Variants in CES2 observed in about 807,000 individuals in gnomAD.
CES2 encodes cocaine esterase.
CES2 carries 42 observed loss-of-function variants against 52.1 expected under a neutral mutation model. The ratio of observed to expected loss-of-function variants is 0.81; its 90% confidence interval spans 0.63 to 1.04. The LOEUF is 1.04. CES2 is among the 50% of genes least tolerant of loss of function. CES2 has a pLI of 0.00. For synonymous variants in CES2, 277 were observed against 289.6 expected (o/e 0.96, Z 0.44); for missense variants, 656 against 724.3 (o/e 0.91, Z 1.08).
chr16:66,941,858 C>CT lies in CES2; in HGVS notation c.1137+11dup, dbSNP rs1186102023. 6.2e-7 allele frequency: 1 copy of CT among 1,614,116 alleles called. No individual in the cohort carries two copies. ...AATGTTAACGCTGCTGGTAAGGCTC[C>CT]TGGGGTCCCTCGCCAATGGAGACGG... is the stretch of plus-strand genomic sequence containing the variant. On this transcript the variant is annotated intron_variant, in intron 8 of 11. Coordinates refer to ENST00000317091, the MANE Select transcript of CES2 (RefSeq NM_001365405.1).
chr16:66,943,705 G>A lies in CES2; in HGVS notation c.1494-134G>A. ...GGGAGCTTATTTCCTGTTTCTGGAA[G>A]CCTCCCCACTCATTCCCCAAGCCCA... On this transcript the variant is annotated intron_variant, in intron 11 of 11. Transcript: ENST00000317091. The surrounding 1 kb of genome is among the most constrained non-coding windows in gnomAD (Gnocchi z 4.2). 1.5e-6 allele frequency: 1 copy of A among 681,388 alleles called. No homozygotes were observed. The highest frequency in any genetic ancestry group is 2.7e-5 in the East Asian group (1 of 36,504). 42.2% of individuals were successfully genotyped at this position (681,388 alleles called of 1,614,324 possible).
At chr16:66,942,847 T>C (rs1963400104) in intron 10 of CES2, 62 bp downstream of exon 10, 4 of 1,610,212 alleles carry the variant, frequency 2.5e-6, no homozygotes, top group Non-Finnish European at 3.4e-6. Context: ...TGAGCGATGA[T>C]TGATTGTCCT....
rs76018401 is a variant in CES2 at position 66,943,298 on chromosome 16, G to A, written c.1421-1G>A. On this transcript the variant is annotated splice_acceptor_variant, in intron 10 of 11. Transcript: ENST00000317091. LOFTEE classifies it high-confidence loss of function. The surrounding 1 kb of genome is among the most constrained non-coding windows in gnomAD (Gnocchi z 4.2). ...GACACATGTCCTCTTCCTCTTGGCA[G>A]TTAAATTCACTGAGGAAGAGGAGCA... The A allele has an allele frequency of 6.2e-7, 1 of 1,614,112 alleles. No homozygotes were observed. Among genetic ancestry groups the A allele is most frequent in the East Asian group, 2.2e-5 (1 of 44,868 alleles).
At chr16:66,935,227 C>G (rs1170122385), upstream of CES2, 1 of 483,610 alleles carries the variant, frequency 2.1e-6, no homozygotes, top group Non-Finnish European at 3.7e-6. Context: ...CTCAGAGAAG[C>G]CCTCCTGGGG....
At position 66,940,948 on chromosome 16, in the gene CES2, C is replaced by T. The variant is rs141374010; in HGVS notation, c.817-176C>T. Among the ~76,000 whole-genome samples, 982 of 152,346 alleles carry T rather than the reference C, an allele frequency of 6.4e-3. 4 individuals are homozygous for T. The highest frequency in any genetic ancestry group is 8.3e-3 in the Non-Finnish European group (568 of 68,028). ...CCCACCATGAGGAGAATCATCTAGG[C>T]GGATGGGATGGCCCCTGTGTCTGGG... is the stretch of plus-strand genomic sequence containing the variant. On this transcript the variant is annotated intron_variant, in intron 5 of 11. Transcript: ENST00000317091.
Position 66,941,223 on chromosome 16 carries a change from G to T in CES2, c.915+1G>T, listed in dbSNP as rs2145506640. ...AGAGGAGATTCTTGCAATTAACAAG[G>T]TTGGTCTAAATGGATGTGGGTGTAG... On this transcript the variant is annotated splice_donor_variant, in intron 6 of 11. Transcript: ENST00000317091. LOFTEE classifies it high-confidence loss of function. 1 of 1,614,100 alleles carries T rather than the reference G, an allele frequency of 6.2e-7. No individual in the cohort carries two copies. Among genetic ancestry groups the T allele is most frequent in the Non-Finnish European group, 8.5e-7 (1 of 1,179,984 alleles).
At chr16:66,942,313 A>G in intron 9 of CES2, 64 bp downstream of exon 9, 1 of 1,517,048 alleles carries the variant, frequency 6.6e-7, no homozygotes, top group South Asian at 1.3e-5. Flanking sequence ...GTCCCAGGTG[A>G]GACCTGCTGC....
chr16:66,937,411 A>G (rs540295649), intron 1 of CES2, among the ~76,000 whole-genome samples: 1 of 152,050 alleles, frequency 6.6e-6, no homozygotes, highest in Non-Finnish European at 1.5e-5. Context: ...CTTGTCCTTG[A>G]TTTTCATCTA....
At position 66,935,549 on chromosome 16, in the gene CES2, C is replaced by G. The variant is rs765978652; in HGVS notation, c.-87C>G. 1.9e-6 allele frequency: 3 copies of G among 1,614,128 alleles called. No individual in the cohort carries two copies. Among genetic ancestry groups the G allele is most frequent in the East Asian group, 4.5e-5 (2 of 44,880 alleles). On this transcript the variant is annotated 5_prime_UTR_variant, in exon 1 of 12. Coordinates refer to ENST00000317091, the MANE Select transcript of CES2 (RefSeq NM_001365405.1). ...CCAAACTCCAAGGCTGGGCAAGGCA[C>G]TGATCCACTGCTGGACAGACCCGGG...
At chr16:66,938,424 A>G (rs944298187) in intron 2 of CES2, 183 bp downstream of exon 2, 31 of 600,368 alleles carry the variant, frequency 5.2e-5, no homozygotes, top group South Asian at 4.8e-4. Flanking sequence ...GGGCAGAATA[A>G]CTTCTCAGAC....
chr16:66,937,903 G>T (rs936700802), intron 1 of CES2, 134 bp from the exon 2 acceptor site: 3 of 728,388 alleles, frequency 4.1e-6, no homozygotes, highest in Non-Finnish European at 7.0e-6. Flanking sequence ...CAGGCAGGAA[G>T]TTTGTAAAGC....
chr16:66,934,986 A>C (rs898951199), upstream of CES2: 10 of 163,700 alleles, frequency 6.1e-5, no homozygotes, highest in Non-Finnish European at 7.9e-5. The surrounding 1 kb of genome is among the most constrained non-coding windows in gnomAD (Gnocchi z 4.1). Flanking sequence ...TGTACGTTTC[A>C]AAAGAATGGC....
chr16:66,943,454 A>C lies in CES2; in HGVS notation c.1493+83A>C. ...TGCTCTCCTAGTCTGGGGTGACCTC[A>C]TGAGCACACCCGCATCCTTCATCAC... On this transcript the variant is annotated intron_variant, in intron 11 of 11. Coordinates refer to ENST00000317091, the MANE Select transcript of CES2 (RefSeq NM_001365405.1). This position sits in a 1 kb window ranked among gnomAD's most constrained non-coding sequence, Gnocchi z 4.2. 8 of 1,425,806 alleles carry C rather than the reference A, an allele frequency of 5.6e-6. No individual in the cohort carries two copies. The highest frequency in any genetic ancestry group is 1.2e-5 in the South Asian group (1 of 86,024). 88.3% of individuals were successfully genotyped at this position (1,425,806 alleles called of 1,614,324 possible). A position where few individuals can be genotyped will look rare whatever the true frequency, so the allele number is the denominator to read the frequency against.
chr16:66,935,575 G>A lies in CES2; in HGVS notation c.-61G>A. The A allele has an allele frequency of 6.2e-7, 1 of 1,613,486 alleles. No homozygotes were observed. The highest frequency in any genetic ancestry group is 8.5e-7 in the Non-Finnish European group (1 of 1,180,024). On this transcript the variant is annotated 5_prime_UTR_variant, in exon 1 of 12. Coordinates refer to ENST00000317091, the MANE Select transcript of CES2 (RefSeq NM_001365405.1). ...TGATCCACTGCTGGACAGACCCGGGGCAGCCTCTGGGTGAACAGCAGCGTG... is the reference window on the plus strand; with the variant it reads ...TGATCCACTGCTGGACAGACCCGGGACAGCCTCTGGGTGAACAGCAGCGTG...
In CES2 at chr16:66,938,147, T is replaced by A; in HGVS notation, c.187T>A (p.Phe63Ile). The stretch of plus-strand genomic sequence containing the variant: ...GGTCCAAACCTTCCTGGGAATTCCA[T>A]TTGCCAAGCCACCTCTAGGTCCGCT... ...AGVQTFLGIPFAKPPLGPLRF... is the reference protein window; with the variant it reads ...AGVQTFLGIPIAKPPLGPLRF... Residue 63 changes from phenylalanine to isoleucine, a missense_variant, in exon 2 of 12, where the codon TTT becomes ATT. Transcript: ENST00000317091. 2 of 1,614,048 alleles carry A rather than the reference T, an allele frequency of 1.2e-6. No individual in the cohort carries two copies. Among genetic ancestry groups the A allele is most frequent in the Non-Finnish European group, 1.7e-6 (2 of 1,179,988 alleles).
intron 1 of CES2, 116 bp downstream of exon 1, chr16:66,935,827 G>A (rs1454725217): frequency 6.3e-7 from 1 of 1,575,144 alleles, no homozygotes; most frequent in East Asian, 2.3e-5. Context: ...TGGTGGAGAT[G>A]ACAGCGTGGA....
intron 5 of CES2, 135 bp downstream of exon 5, chr16:66,940,830 G>T (rs1963346450): frequency 1.6e-6 from 2 of 1,229,624 alleles, no homozygotes; most frequent in African/African-American, 3.0e-5. Flanking sequence ...TGGAATTGCT[G>T]GGGGGCTCCA....
chr16:66,941,853 G>C lies in CES2; in HGVS notation c.1137+5G>C. On this transcript the variant is annotated splice_donor_5th_base_variant and intron_variant, in intron 8 of 11. Transcript: ENST00000317091. ...CAGAAAATGTTAACGCTGCTGGTAA[G>C]GCTCCTGGGGTCCCTCGCCAATGGA... 1 of 1,614,108 alleles carries C rather than the reference G, an allele frequency of 6.2e-7. No individual in the cohort carries two copies. The highest frequency in any genetic ancestry group is 8.5e-7 in the Non-Finnish European group (1 of 1,180,008).
chr16:66,940,698 G>A lies in CES2; in HGVS notation c.816+3G>A, dbSNP rs1963341742. The A allele has an allele frequency of 1.2e-6, 2 of 1,613,808 alleles. No homozygotes were observed. The highest frequency in any genetic ancestry group is 1.7e-6 in the Non-Finnish European group (2 of 1,179,920). On this transcript the variant is annotated splice_donor_region_variant and intron_variant, in intron 5 of 11. Transcript: ENST00000317091. ...GCTCAGCTGATGTCATCTCCACGGTGAGTGCCCTCAGCTGAAGAGGCCTAG... is the reference window on the plus strand; with the variant it reads ...GCTCAGCTGATGTCATCTCCACGGTAAGTGCCCTCAGCTGAAGAGGCCTAG...
Sources: allele counts gnomAD v4.1 joint callset (sites outside exome capture counted in the v4.1 genomes callset), GRCh38; gene constraint gnomAD v4.1.1; non-coding constraint Gnocchi (gnomAD v3.1); transcripts MANE v1.5; gene names NCBI Gene and HGNC (gene_info 2026-07-23, HGNC 2026-07-21).